AFF1: variants seen among roughly 807,000 people sequenced by gnomAD.
AFF1 encodes the protein ALF transcription elongation factor 1, also known as AF4/FMR2 family member 1.
In AFF1, 48 loss-of-function variants were observed where a neutral mutation model predicts 121.7. That is an observed-to-expected ratio of 0.39 (90% CI 0.31 to 0.50). The LOEUF is 0.50. AFF1 is among the 20% of genes least tolerant of loss of function. The probability of loss-of-function intolerance (pLI) is 0.76; values close to 1 mark genes in which losing one functional copy is unlikely to be tolerated. For synonymous variants in AFF1, 613 were observed against 563.0 expected (o/e 1.09, Z -1.26); for missense variants, 1,523 against 1,511.7 (o/e 1.01, Z -0.12).
intron 4 of AFF1, among the ~76,000 whole-genome samples, chr4:87,072,686 C>T (rs1167128442): frequency 1.3e-5 from 2 of 151,704 alleles, no homozygotes; most frequent in Non-Finnish European, 2.9e-5. Context: ...CACCACCACG[C>T]CTGGCTGATT....
chr4:86,961,884 T>G (rs898499769), intron 2 of AFF1, among the ~76,000 whole-genome samples: 1 of 152,092 alleles, frequency 6.6e-6, no homozygotes, highest in African/African-American at 2.4e-5. Context: ...TAGATTATCT[T>G]TCTACATCCG....
rs367771873 is a variant in AFF1 at position 87,088,263 on chromosome 4, T to G, written c.1105-1721T>G. Among the ~76,000 whole-genome samples the G allele has an allele frequency of 1.1e-4, 17 of 152,312 alleles. No individual in the cohort carries two copies. In the South Asian group the frequency reaches 2.1e-3, roughly 19 times the overall value. On this transcript the variant is annotated intron_variant, in intron 5 of 20. Transcript: ENST00000395146. ...TGTCCTGAACAAAGCAGATGGCCAG[T>G]CAGTAAACAAGGGCACGAGTTCACT...
chr4:86,988,476 A>C (rs1342197282), intron 2 of AFF1, among the ~76,000 whole-genome samples: 1 of 152,108 alleles, frequency 6.6e-6, no homozygotes, highest in African/African-American at 2.4e-5. Flanking sequence ...TAGGAATCCA[A>C]CTTACAAGGG....
At chr4:86,994,842 G>T (rs1007752419) in intron 2 of AFF1, among the ~76,000 whole-genome samples, 1 of 152,178 alleles carries the variant, frequency 6.6e-6, no homozygotes, top group Non-Finnish European at 1.5e-5. Context: ...TGTGGGGCTG[G>T]AGGGTGTTCA....
intron 2 of AFF1, among the ~76,000 whole-genome samples, chr4:87,008,205 C>T (rs1225617830): frequency 6.6e-6 from 1 of 152,162 alleles, no homozygotes; most frequent in African/African-American, 2.4e-5. Context: ...CATTCTCTTT[C>T]AACTGTGTTT....
At chr4:86,944,938 T>C (rs187963212) in intron 1 of AFF1, among the ~76,000 whole-genome samples, 1 of 152,314 alleles carries the variant, frequency 6.6e-6, no homozygotes. Context: ...TTGATACACA[T>C]GACATTTTAA....
At chr4:87,116,150 C>A (rs1727099362) in intron 12 of AFF1, among the ~76,000 whole-genome samples, 1 of 152,164 alleles carries the variant, frequency 6.6e-6, no homozygotes, top group African/African-American at 2.4e-5. Flanking sequence ...GTTAGTGTCT[C>A]ATTGAGTAAT....
rs1729233651 is a variant in AFF1, at chr4:87,135,571, T to TGTTTTG, written c.3536-9_3536-8insGTTTTG. On this transcript the variant is annotated splice_polypyrimidine_tract_variant and intron_variant, in intron 20 of 20. Coordinates refer to ENST00000395146, the MANE Select transcript of AFF1 (RefSeq NM_001166693.3). ...TACTTGTTTTTGTTTTGTTTTGTTT[T>TGTTTTG]TTTTGCAGAATTCTTTGCTCGGCTC... 6.5e-7 allele frequency: 1 copy of TGTTTTG among 1,544,424 alleles called. No homozygotes were observed. The highest frequency in any genetic ancestry group is 1.3e-5 in the South Asian group (1 of 79,732).
intron 8 of AFF1, 46 bp from the exon 9 acceptor site, chr4:87,105,582 G>C: frequency 6.2e-7 from 1 of 1,609,664 alleles, no homozygotes; most frequent in South Asian, 1.1e-5. Context: ...AAAGTTGTTA[G>C]AAATCATTTC....
At chr4:86,939,099 G>A (rs1052212533) in intron 1 of AFF1, among the ~76,000 whole-genome samples, 1 of 151,462 alleles carries the variant, frequency 6.6e-6, no homozygotes, top group African/African-American at 2.4e-5. Flanking sequence ...CTAAGCATTG[G>A]AGAAATTGTG....
intron 1 of AFF1, among the ~76,000 whole-genome samples, chr4:86,939,389 A>C (rs931999865): frequency 3.3e-5 from 5 of 152,124 alleles, no homozygotes; most frequent in Non-Finnish European, 5.9e-5. Context: ...CTTGACTCTA[A>C]AATATAAATA....
chr4:87,027,549 T>C (rs1344663166), intron 2 of AFF1, among the ~76,000 whole-genome samples: 1 of 152,218 alleles, frequency 6.6e-6, no homozygotes, highest in African/African-American at 2.4e-5. Context: ...GAGGAGAGTC[T>C]GTTGGAAAAA....
chr4:86,994,606 A>G (rs74816860), intron 2 of AFF1, among the ~76,000 whole-genome samples: 5,465 of 152,304 alleles, frequency 0.036, 312 homozygotes, highest in African/African-American at 0.12. Context: ...CTGCTCAAAC[A>G]AGCAAACACT....
At chr4:87,012,617 A>G (rs1173422198) in intron 2 of AFF1, among the ~76,000 whole-genome samples, 1 of 152,218 alleles carries the variant, frequency 6.6e-6, no homozygotes, top group Non-Finnish European at 1.5e-5. Flanking sequence ...AATTCATTTT[A>G]TTATGAATAT....
At chr4:86,941,175 C>A (rs1720426083) in intron 1 of AFF1, among the ~76,000 whole-genome samples, 1 of 152,072 alleles carries the variant, frequency 6.6e-6, no homozygotes, top group African/African-American at 2.4e-5. Context: ...GGAGACTATC[C>A]CTAATTTTCC....
At chr4:87,126,899 G>T (rs1370773627) in intron 14 of AFF1, 127 bp from the exon 15 acceptor site, 2 of 778,346 alleles carry the variant, frequency 2.6e-6, no homozygotes, top group Non-Finnish European at 4.2e-6. Flanking sequence ...AGCCAGGGTA[G>T]ATTGTGCATT....
chr4:87,015,052 TAAAGG>T (rs796669871), intron 2 of AFF1, among the ~76,000 whole-genome samples: 17 of 152,334 alleles, frequency 1.1e-4, no homozygotes, highest in African/African-American at 3.6e-4. Context: ...AATTTTTCCT[TAAAGG>T]AAAACAGAAC....
chr4:87,134,996 A>T (rs1202731571), intron 20 of AFF1, among the ~76,000 whole-genome samples: 7 of 152,350 alleles, frequency 4.6e-5, no homozygotes, highest in Middle Eastern at 3.4e-3. Flanking sequence ...GCTAGCTGAA[A>T]GGCAGGGCAA....
chr4:87,074,409 G>A (rs956248771), intron 4 of AFF1, among the ~76,000 whole-genome samples: 1 of 152,156 alleles, frequency 6.6e-6, no homozygotes. Context: ...TTCATCAAAG[G>A]CACAGTGTTT....
Sources: gnomAD v4.1 joint callset for allele counts (sites outside exome capture counted in the v4.1 genomes callset) on GRCh38, gnomAD v4.1.1 for gene constraint, MANE v1.5 for transcripts, NCBI Gene and HGNC (gene_info 2026-07-23, HGNC 2026-07-21) for gene names.